Variants in ZBTB16 observed in about 807,000 individuals in gnomAD.
The protein encoded by ZBTB16 is zinc finger and BTB domain containing 16, also known as zinc finger and BTB domain-containing protein 16.
ZBTB16 carries 8 observed loss-of-function variants against 56.8 expected under a neutral mutation model. That is an observed-to-expected ratio of 0.14 (90% CI 0.08 to 0.25). The LOEUF is 0.25. ZBTB16 is among the 10% of genes least tolerant of loss of function. The pLI is 1.00. For missense variants in ZBTB16, 625 were observed against 903.0 expected (o/e 0.69, Z 3.95); for synonymous variants, 363 against 368.5 (o/e 0.98, Z 0.17).
chr11:114,089,640 G>T (rs1940109944), intron 2 of ZBTB16, among the ~76,000 whole-genome samples: 1 of 152,224 alleles, frequency 6.6e-6, no homozygotes, highest in African/African-American at 2.4e-5. Context: ...GGAGACAGAG[G>T]CTGCTGAAGT....
At chr11:114,178,364 TA>T (rs1943169076) in intron 3 of ZBTB16, among the ~76,000 whole-genome samples, 1 of 152,216 alleles carries the variant, frequency 6.6e-6, no homozygotes, top group Non-Finnish European at 1.5e-5. Context: ...CCCTGTGGCA[TA>T]AACACTCTGA....
chr11:114,096,581 G>A (rs1484794395), intron 2 of ZBTB16, among the ~76,000 whole-genome samples: 1 of 152,098 alleles, frequency 6.6e-6, no homozygotes, highest in East Asian at 1.9e-4. Flanking sequence ...TCTCATAAGT[G>A]TGCAGTAATG....
At chr11:114,181,994 T>C (rs986610112) in intron 3 of ZBTB16, among the ~76,000 whole-genome samples, 19 of 152,300 alleles carry the variant, frequency 1.2e-4, no homozygotes, top group Admixed American at 1.0e-3. Flanking sequence ...CTGACTACGC[T>C]GTGTAAAAGA....
At chr11:114,159,806 A>G (rs1192596978) in intron 3 of ZBTB16, among the ~76,000 whole-genome samples, 1 of 152,184 alleles carries the variant, frequency 6.6e-6, no homozygotes, top group African/African-American at 2.4e-5. Flanking sequence ...TGAAGGTTCC[A>G]TGAAGAAAGC....
chr11:114,071,431 C>G (rs1380213233), intron 2 of ZBTB16, among the ~76,000 whole-genome samples: 1 of 152,064 alleles, frequency 6.6e-6, no homozygotes, highest in Non-Finnish European at 1.5e-5. Flanking sequence ...GATGGAGCCG[C>G]TAATTGCTGG....
intron 2 of ZBTB16, among the ~76,000 whole-genome samples, chr11:114,121,426 A>G (rs1247357728): frequency 6.6e-6 from 1 of 152,008 alleles, no homozygotes; most frequent in Non-Finnish European, 1.5e-5. Flanking sequence ...TGGGGAGGTC[A>G]TTTTCTCACC....
intron 4 of ZBTB16, among the ~76,000 whole-genome samples, chr11:114,201,471 G>A (rs656535): frequency 0.05 from 7,554 of 152,318 alleles, 228 homozygotes; most frequent in Middle Eastern, 0.075. Context: ...CCCTGAGACA[G>A]TGTGGCAAAT....
chr11:114,186,644 G>A (rs1269497444), intron 3 of ZBTB16, among the ~76,000 whole-genome samples: 1 of 152,104 alleles, frequency 6.6e-6, no homozygotes, highest in African/African-American at 2.4e-5. Flanking sequence ...CCCATCACCT[G>A]GAGCTAGGTC....
intron 2 of ZBTB16, among the ~76,000 whole-genome samples, chr11:114,105,530 G>A (rs1249679065): frequency 1.3e-5 from 2 of 152,180 alleles, no homozygotes; most frequent in African/African-American, 2.4e-5. Context: ...ATGAGCCACC[G>A]CGCCCGACCC....
intron 2 of ZBTB16, among the ~76,000 whole-genome samples, chr11:114,072,191 T>C (rs919772076): frequency 2.6e-5 from 4 of 152,260 alleles, no homozygotes; most frequent in African/African-American, 7.2e-5. Flanking sequence ...TAGGCGTCAA[T>C]CCGTACAGTG....
intron 3 of ZBTB16, among the ~76,000 whole-genome samples, chr11:114,161,899 G>A (rs1209649272): frequency 6.6e-6 from 1 of 152,204 alleles, no homozygotes; most frequent in African/African-American, 2.4e-5. Flanking sequence ...GTTGGGGTGT[G>A]GCTGGAGTGT....
At chr11:114,245,443 G>A (rs1441429455) in intron 5 of ZBTB16, among the ~76,000 whole-genome samples, 1 of 152,156 alleles carries the variant, frequency 6.6e-6, no homozygotes, top group Non-Finnish European at 1.5e-5. Flanking sequence ...CCACCCATGA[G>A]AAAGTCACTG....
intron 2 of ZBTB16, among the ~76,000 whole-genome samples, chr11:114,092,655 G>A (rs953855211): frequency 6.6e-5 from 10 of 151,984 alleles, no homozygotes; most frequent in African/African-American, 2.2e-4. Flanking sequence ...ATCTTGCTAG[G>A]CCTTAGTTTG....
chr11:114,244,688 G>A (rs1944780162), intron 5 of ZBTB16, among the ~76,000 whole-genome samples: 1 of 151,516 alleles, frequency 6.6e-6, no homozygotes, highest in South Asian at 2.1e-4. Flanking sequence ...CTTTTCCCTG[G>A]GCAGACTCAA....
At chr11:114,173,694 C>T (rs917881174) in intron 3 of ZBTB16, among the ~76,000 whole-genome samples, 12 of 152,206 alleles carry the variant, frequency 7.9e-5, no homozygotes, top group African/African-American at 2.2e-4. Context: ...GAGGCCTTTA[C>T]AGCCGAGAGT....
chr11:114,191,686 T>C (rs1441471665), intron 4 of ZBTB16, among the ~76,000 whole-genome samples: 1 of 152,218 alleles, frequency 6.6e-6, no homozygotes, highest in Non-Finnish European at 1.5e-5. Flanking sequence ...TGGCTCGCTG[T>C]GCCCTATTTA....
In ZBTB16 at chr11:114,251,137, C is replaced by T. The variant is rs556815369; in HGVS notation, c.*582C>T. ...CCACCTGCTGCTTTCCTCTGCTTTG[C>T]CACATCTGGGTGTCCCCCGGTGGTC... On this transcript the variant is annotated 3_prime_UTR_variant, in exon 7 of 7. Transcript: ENST00000335953. 1.3e-5 allele frequency among the ~76,000 whole-genome samples: 2 copies of T among 152,220 alleles called. No individual in the cohort carries two copies. Among genetic ancestry groups the T allele is most frequent in the South Asian group, 4.2e-4 (2 of 4,818 alleles).
At chr11:114,119,354 G>A (rs532000078) in intron 2 of ZBTB16, among the ~76,000 whole-genome samples, 165 of 149,900 alleles carry the variant, frequency 1.1e-3, no homozygotes, top group African/African-American at 3.9e-3. Flanking sequence ...GTGCGCGCGT[G>A]TGTGTGTGTG....
At chr11:114,156,912 C>T (rs887739469) in intron 3 of ZBTB16, among the ~76,000 whole-genome samples, 2 of 152,084 alleles carry the variant, frequency 1.3e-5, no homozygotes, top group Admixed American at 1.3e-4. Context: ...TAATTTTGCT[C>T]ATGTTTGGGC....
Sources: allele counts gnomAD v4.1 joint callset (sites outside exome capture counted in the v4.1 genomes callset), GRCh38; gene constraint gnomAD v4.1.1; transcripts MANE v1.5; gene names NCBI Gene and HGNC (gene_info 2026-07-23, HGNC 2026-07-21).